Variants in ZFHX3 observed in about 807,000 individuals in gnomAD.
The protein encoded by ZFHX3 is zinc finger homeobox protein 3.
A neutral mutation model predicts 279.1 loss-of-function variants in ZFHX3; 42 were observed. That is an observed-to-expected ratio of 0.15 (90% CI 0.12 to 0.19). ZFHX3 has a LOEUF of 0.19. ZFHX3 is among the 10% of genes least tolerant of loss of function. The probability of loss-of-function intolerance (pLI) is 1.00; values close to 1 mark genes in which losing one functional copy is unlikely to be tolerated. For synonymous variants in ZFHX3, 2,293 were observed against 1,957.8 expected (o/e 1.17, Z -4.52); for missense variants, 4,981 against 4,754.0 (o/e 1.05, Z -1.40).
chr16:73,687,957 A>AATTT (rs2053107896), intron 1 of ZFHX3, among the ~76,000 whole-genome samples: 1 of 152,186 alleles, frequency 6.6e-6, no homozygotes, highest in African/African-American at 2.4e-5. Context: ...TTAAGACAAT[A>AATTT]ATTTTTTTTC....
At chr16:73,852,671 T>C (rs1961619671) in intron 1 of ZFHX3, among the ~76,000 whole-genome samples, 2 of 152,184 alleles carry the variant, frequency 1.3e-5, no homozygotes, top group South Asian at 4.1e-4. Context: ...TTTCAGACTT[T>C]TCTCCTAGGA....
At chr16:73,505,500 C>T (rs141326427) in intron 2 of ZFHX3, among the ~76,000 whole-genome samples, 77 of 151,866 alleles carry the variant, frequency 5.1e-4, no homozygotes, top group African/African-American at 1.8e-3. Flanking sequence ...GAAACCTGTC[C>T]GTTAACTACT....
chr16:73,532,959 G>A (rs1277188869), intron 2 of ZFHX3, among the ~76,000 whole-genome samples: 1 of 152,148 alleles, frequency 6.6e-6, no homozygotes, highest in Admixed American at 6.5e-5. Flanking sequence ...GTTTCATGAG[G>A]TCACCCCAGC....
intron 3 of ZFHX3, chr16:73,402,257 A>G (rs1270528959): frequency 1.3e-5 from 2 of 152,228 alleles, no homozygotes; most frequent in African/African-American, 4.8e-5. Context: ...AATTGAGCCA[A>G]AATGATCTAA....
chr16:73,698,149 G>T (rs1275288731), intron 1 of ZFHX3, among the ~76,000 whole-genome samples: 1 of 151,714 alleles, frequency 6.6e-6, no homozygotes, highest in Non-Finnish European at 1.5e-5. Context: ...CATGGTTATG[G>T]TACAATTCCC....
intron 4 of ZFHX3, 80 bp downstream of exon 4, chr16:72,889,651 A>T: frequency 7.2e-7 from 1 of 1,388,196 alleles, no homozygotes; most frequent in Non-Finnish European, 9.9e-7. Context: ...CGTCTCCCTC[A>T]AACAGAAGTC....
chr16:73,588,834 T>G (rs899966968), intron 2 of ZFHX3, among the ~76,000 whole-genome samples: 14 of 151,718 alleles, frequency 9.2e-5, no homozygotes, highest in Admixed American at 7.9e-4. Context: ...CAAATGAACT[T>G]CTGGGGTTGG....
intron 1 of ZFHX3, among the ~76,000 whole-genome samples, chr16:73,686,065 G>A (rs763531176): frequency 1.3e-5 from 2 of 152,076 alleles, no homozygotes; most frequent in Non-Finnish European, 2.9e-5. Flanking sequence ...ATTTCCAAGA[G>A]GGTAATAGTA....
At chr16:73,600,406 T>C (rs2052099558) in intron 2 of ZFHX3, among the ~76,000 whole-genome samples, 1 of 142,888 alleles carries the variant, frequency 7.0e-6, no homozygotes, top group Non-Finnish European at 1.5e-5. Context: ...TGTATAGACC[T>C]TGGTCTCTCT....
chr16:72,902,098 A>C (rs2144135020), intron 3 of ZFHX3, among the ~76,000 whole-genome samples: 1 of 152,320 alleles, frequency 6.6e-6, no homozygotes, highest in African/African-American at 2.4e-5. Flanking sequence ...CTGGAATGTA[A>C]ACAATGGGGC....
intron 3 of ZFHX3, among the ~76,000 whole-genome samples, chr16:73,452,096 G>T (rs537855784): frequency 6.6e-6 from 1 of 152,114 alleles, no homozygotes; most frequent in Non-Finnish European, 1.5e-5. Flanking sequence ...GGCAGAAAAA[G>T]GAGACTAAAG....
Position 73,218,886 on chromosome 16 carries a change from T to A in ZFHX3, c.-1104+38161A>T, listed in dbSNP as rs529167485. On this transcript the variant is annotated intron_variant, in intron 5 of 17. Coordinates refer to the ZFHX3 transcript ENST00000641206. ...CCACAATGTTGTGCAACCATCACCATCTAACTCCAGAATGTTTTCATCAAC... is the reference window on the plus strand; with the variant it reads ...CCACAATGTTGTGCAACCATCACCAACTAACTCCAGAATGTTTTCATCAAC... Among the ~76,000 whole-genome samples the A allele has an allele frequency of 7.2e-5, 11 of 152,332 alleles. No individual in the cohort carries two copies. The East Asian group carries it at 2.1e-3, about 29-fold the overall frequency.
At chr16:72,868,422 T>G (rs2038076696) in intron 4 of ZFHX3, among the ~76,000 whole-genome samples, 1 of 152,200 alleles carries the variant, frequency 6.6e-6, no homozygotes, top group Admixed American at 6.5e-5. Context: ...AGTGTCTCAC[T>G]CTAACCTAGA....
At chr16:72,827,632 G>A (rs1239510908) in intron 5 of ZFHX3, among the ~76,000 whole-genome samples, 9 of 152,210 alleles carry the variant, frequency 5.9e-5, no homozygotes, top group African/African-American at 1.4e-4. Context: ...CTCATTCAAC[G>A]TTGAGGCAAA....
chr16:73,811,815 C>G (rs1960435315), intron 1 of ZFHX3, among the ~76,000 whole-genome samples: 2 of 152,134 alleles, frequency 1.3e-5, no homozygotes, highest in Admixed American at 6.5e-5. Flanking sequence ...GTGATGCTAT[C>G]TTTTGGTGGT....
At chr16:73,132,624 A>C (rs948479530) in intron 6 of ZFHX3, among the ~76,000 whole-genome samples, 1 of 152,144 alleles carries the variant, frequency 6.6e-6, no homozygotes, top group Non-Finnish European at 1.5e-5. Context: ...ACAGAGACAC[A>C]AAGCAATTGA....
chr16:72,986,047 C>T (rs1051989088), intron 1 of ZFHX3, among the ~76,000 whole-genome samples: 1 of 152,228 alleles, frequency 6.6e-6, no homozygotes, highest in East Asian at 1.9e-4. Context: ...TAACCACCCC[C>T]CACCCCGCCA....
chr16:72,868,587 T>C (rs542489940), intron 4 of ZFHX3, among the ~76,000 whole-genome samples: 4 of 152,324 alleles, frequency 2.6e-5, no homozygotes, highest in African/African-American at 7.2e-5. Flanking sequence ...GGGAAAGTCC[T>C]TGCTTCTCCC....
At chr16:73,796,073 GA>G (rs1217819026) in intron 1 of ZFHX3, among the ~76,000 whole-genome samples, 1 of 152,162 alleles carries the variant, frequency 6.6e-6, no homozygotes, top group Non-Finnish European at 1.5e-5. Flanking sequence ...ATTTCCAGTA[GA>G]AAAATGTGTT....
Sources: allele counts gnomAD v4.1 joint callset (sites outside exome capture counted in the v4.1 genomes callset), GRCh38; gene constraint gnomAD v4.1.1; transcripts MANE v1.5; gene names NCBI Gene and HGNC (gene_info 2026-07-23, HGNC 2026-07-21).